Variants in ZNF75D observed in about 807,000 individuals in gnomAD.
The protein encoded by ZNF75D is zinc finger protein 75D.
Under a neutral mutation model 33.3 loss-of-function variants are expected in ZNF75D, and 33 were observed. That is an observed-to-expected ratio of 0.99 (90% CI 0.75 to 1.32). The LOEUF (loss-of-function observed/expected upper bound fraction) is 1.32. Among genes scored for constraint, ZNF75D ranks in the 40% most tolerant of loss-of-function variants. The pLI, the probability that ZNF75D is intolerant of heterozygous loss-of-function variation, is 0.00. For missense variants in ZNF75D, 338 were observed against 367.5 expected (o/e 0.92, Z 0.66); for synonymous variants, 113 against 130.6 (o/e 0.87, Z 0.92).
chrX:135,293,247 C>T (rs1365748717), intron 3 of ZNF75D, among the ~76,000 whole-genome samples: 1 of 111,691 alleles, frequency 9.0e-6, no homozygotes, highest in Non-Finnish European at 1.9e-5. Flanking sequence ...TGGCAATTGT[C>T]GTCTTTCCAT....
intron 1 of ZNF75D, among the ~76,000 whole-genome samples, chrX:135,266,480 C>A (rs147306220): frequency 9.0e-6 from 1 of 111,530 alleles, no homozygotes; most frequent in Non-Finnish European, 1.9e-5. Flanking sequence ...AGTAGCCACA[C>A]TTGTATTGGA....
chrX:135,269,580 C>T (rs1252369881), intron 1 of ZNF75D, among the ~76,000 whole-genome samples: 2 of 111,637 alleles, frequency 1.8e-5, no homozygotes, highest in Non-Finnish European at 3.8e-5. Flanking sequence ...GTTATTTTTC[C>T]AGAAGTGAGG....
chrX:135,278,680 T>C (rs1483244058), intron 1 of ZNF75D, among the ~76,000 whole-genome samples: 6 of 112,176 alleles, frequency 5.3e-5, no homozygotes, highest in African/African-American at 1.9e-4. Flanking sequence ...TTAAGTTTAT[T>C]GAGACTTTTT....
intron 1 of ZNF75D, among the ~76,000 whole-genome samples, chrX:135,311,163 G>T (rs1316387448): frequency 3.6e-5 from 4 of 112,637 alleles, no homozygotes; most frequent in Non-Finnish European, 7.5e-5. Context: ...ATCGTGGCTA[G>T]GCCTTTGATG....
rs781986170 is a variant in ZNF75D, at chrX:135,327,040, T to C, written c.-391+14728A>G. ...GATGGTGCTATTGTTATCTTTACCATACAAAAGGGGAACCTGAAGATCACA... is the reference window on the plus strand; with the variant it reads ...GATGGTGCTATTGTTATCTTTACCACACAAAAGGGGAACCTGAAGATCACA... On this transcript the variant is annotated intron_variant, in intron 1 of 6. Coordinates refer to ENST00000370766, the MANE Select transcript of ZNF75D (RefSeq NM_007131.5). 2.7e-5 allele frequency among the ~76,000 whole-genome samples: 3 copies of C among 112,657 alleles called. No homozygotes were observed. The South Asian group carries it at 1.1e-3, about 41-fold the overall frequency.
In ZNF75D at chrX:135,286,247, C is replaced by T. The variant is rs1556419369; in HGVS notation, c.*890G>A. On this transcript the variant is annotated 3_prime_UTR_variant, in exon 7 of 7. Coordinates refer to ENST00000370766, the MANE Select transcript of ZNF75D (RefSeq NM_007131.5). Reference sequence around the variant, plus strand: ...TCAGGCATATAGGGTTGTAGTTGATCAGCCATAAAGATGGGGCTCCCTTTA... The same window carrying T: ...TCAGGCATATAGGGTTGTAGTTGATTAGCCATAAAGATGGGGCTCCCTTTA... 8.9e-6 allele frequency: 1 copy of T among 111,877 alleles called. No homozygotes were observed. The highest frequency in any genetic ancestry group is 1.9e-5 in the Non-Finnish European group (1 of 53,182). 9.2% of individuals were successfully genotyped at this position (111,877 alleles called of 1,213,427 possible).
chrX:135,263,596 G>T (rs1436995664), intron 1 of ZNF75D, among the ~76,000 whole-genome samples: 1 of 112,918 alleles, frequency 8.9e-6, no homozygotes, highest in Non-Finnish European at 1.9e-5. Context: ...AGTAAGCAAG[G>T]CTCCGTGGGT....
At chrX:135,328,071 C>T (rs1013200628) in intron 1 of ZNF75D, among the ~76,000 whole-genome samples, 10 of 111,816 alleles carry the variant, frequency 8.9e-5, no homozygotes, top group African/African-American at 3.3e-4. Context: ...ATGAATTTTC[C>T]AGGCTGACAG....
At chrX:135,316,468 A>ACT (rs1414200485) in intron 1 of ZNF75D, among the ~76,000 whole-genome samples, 8 of 111,673 alleles carry the variant, frequency 7.2e-5, no homozygotes, top group African/African-American at 2.6e-4. Context: ...AATATAATGT[A>ACT]CCATGGGGAA....
chrX:135,287,955 T>C, intron 6 of ZNF75D, 109 bp from the exon 7 acceptor site: 2 of 632,333 alleles, frequency 3.2e-6, no homozygotes, highest in South Asian at 2.8e-5. Flanking sequence ...CAGGAACAAG[T>C]GATTTCTGGT....
At chrX:135,281,848 T>G (rs1454053909), downstream of ZNF75D, among the ~76,000 whole-genome samples, 2 of 112,417 alleles carry the variant, frequency 1.8e-5, no homozygotes, top group African/African-American at 6.5e-5. Flanking sequence ...TGCTGCCTCT[T>G]CCTTCCTCTA....
chrX:135,301,139 G>A (rs965896248), intron 1 of ZNF75D, among the ~76,000 whole-genome samples: 3 of 111,618 alleles, frequency 2.7e-5, no homozygotes, highest in African/African-American at 6.5e-5. Flanking sequence ...GAGAAAGCAG[G>A]AAAAACTGCC....
intron 1 of ZNF75D, among the ~76,000 whole-genome samples, chrX:135,322,679 C>T (rs781903670): frequency 9.8e-5 from 11 of 111,901 alleles, no homozygotes; most frequent in Non-Finnish European, 1.7e-4. Context: ...AGGTAGTGTG[C>T]GCAGGGTCTA....
Position 135,293,914 on chromosome X carries a change from T to A in ZNF75D, c.227A>T (p.Gln76Leu), listed in dbSNP as rs1556421997. Residue 76 changes from glutamine (Q) to leucine (L), a missense_variant, in exon 3 of 7, where the codon CAG becomes CTG. Gln to Leu is a moderately radical substitution (Grantham distance 113, BLOSUM62 -2). Transcript: ENST00000370766. ...TISQLQKLCH[Q>L]WLRPEIHSKE... ...TGAGTGGATCTCTGGCCTCAGCCACTGATGGCACAATTTCTGAAGTTGGCT... is the reference window on the plus strand; with the variant it reads ...TGAGTGGATCTCTGGCCTCAGCCACAGATGGCACAATTTCTGAAGTTGGCT... The A allele has an allele frequency of 3.3e-6, 4 of 1,211,449 alleles. No individual in the cohort carries two copies.
chrX:135,258,658 C>G (rs1556414926), intron 1 of ZNF75D, among the ~76,000 whole-genome samples: 1 of 111,073 alleles, frequency 9.0e-6, no homozygotes, highest in Admixed American at 9.5e-5. Flanking sequence ...TTTTTTCTTG[C>G]AAATTTCTTT....
Position 135,294,132 on chromosome X carries a change from C to G in ZNF75D, c.9G>C (p.Met3Ile), listed in dbSNP as rs201907683. The change falls in exon 3 of 7, where the codon ATG becomes ATC. Residue 3 changes from methionine to isoleucine, a missense_variant. Physicochemically the swap from Met to Ile is conservative, Grantham distance 10. Around this residue, in one of 3 missense-constraint regions of ZNF75D, gnomAD observed 254 missense variants for 267.7 expected, o/e 0.95. Transcript: ENST00000370766. ...AGCATGAATCCGCGTTCAGCTCTCT[C>G]ATCGCCATTTGCTCTAGGAACAGTT... MAMRELNADSCSS... is the reference protein window; with the variant it reads MAIRELNADSCSS... 1.1e-5 allele frequency: 13 copies of G among 1,187,521 alleles called. No individual in the cohort carries two copies. Among genetic ancestry groups the G allele is most frequent in the Non-Finnish European group, 1.5e-5 (13 of 884,486 alleles).
At chrX:135,316,215 C>T (rs2084418911) in intron 1 of ZNF75D, among the ~76,000 whole-genome samples, 1 of 111,963 alleles carries the variant, frequency 8.9e-6, no homozygotes, top group Non-Finnish European at 1.9e-5. Context: ...ATGATGAATT[C>T]CCCCAGCTTT....
In ZNF75D at chrX:135,275,866, A is replaced by G. The variant is rs185779220; in HGVS notation, n.828-20089T>C. 1.0e-3 allele frequency among the ~76,000 whole-genome samples: 113 copies of G among 111,430 alleles called. 2 individuals carry two copies. In the East Asian group the frequency reaches 0.026, roughly 26 times the overall value. On this transcript the variant is annotated intron_variant and non_coding_transcript_variant, in intron 1 of 3. Transcript: ENST00000494295. ...AACTTTTGGGATTTTAGGCTTCCTG[A>G]TACTTTAAATGTGTTGAGTATACTT...
Position 135,299,431 on chromosome X carries a change from T to A in ZNF75D, c.-390-3392A>T, listed in dbSNP as rs1398446363. Among the ~76,000 whole-genome samples, 3 of 112,469 alleles carry A rather than the reference T, an allele frequency of 2.7e-5. No homozygotes were observed. The East Asian group carries it at 8.3e-4, about 31-fold the overall frequency. ...GTGCTTATTAGGCATTTGTATATTT[T>A]CTTTGGAGAAACTTTTTTCAGATCC... On this transcript the variant is annotated intron_variant, in intron 1 of 6. Transcript: ENST00000370766.
Sources: allele counts gnomAD v4.1 joint callset (sites outside exome capture counted in the v4.1 genomes callset), GRCh38; gene constraint gnomAD v4.1.1; regional missense constraint gnomAD v4.1.1; transcripts MANE v1.5; gene names NCBI Gene and HGNC (gene_info 2026-07-23, HGNC 2026-07-21).